Variants in BICDL1 observed in about 807,000 individuals in gnomAD.
BICDL1 encodes BICD family-like cargo adapter 1.
BICDL1 carries 20 observed loss-of-function variants against 76.8 expected under a neutral mutation model. The observed-to-expected ratio is 0.26, with a 90% confidence interval of 0.18 to 0.38. BICDL1 has a LOEUF of 0.38. BICDL1 is among the 10% of genes least tolerant of loss of function. The pLI is 1.00. For missense variants in BICDL1, 700 were observed against 798.6 expected, an observed-to-expected ratio of 0.88 and a Z score of 1.49; for synonymous variants, 383 against 337.1, an observed-to-expected ratio of 1.14 and a Z score of -1.49.
In BICDL1 at chr12:120,079,958, T is replaced by C. The variant is rs180974796; in HGVS notation, c.1453-929T>C. Among the ~76,000 whole-genome samples, 8 of 152,330 alleles carry C rather than the reference T, an allele frequency of 5.3e-5. No homozygotes were observed. The East Asian group carries it at 1.5e-3, about 29-fold the overall frequency. On this transcript the variant is annotated intron_variant, in intron 7 of 9. Coordinates refer to ENST00000548673, the MANE Select transcript of BICDL1 (RefSeq NM_001367886.1). This position sits in a 1 kb window ranked among gnomAD's most constrained non-coding sequence, Gnocchi z 4.3. Reference sequence around the variant, plus strand: ...GTCTATTCCCTGTTGGCTTCTTTAGTTGGAGGTCAAGCCTTGTGTCACACC... The same window carrying C: ...GTCTATTCCCTGTTGGCTTCTTTAGCTGGAGGTCAAGCCTTGTGTCACACC...
chr12:120,046,030 T>C (rs1952744091), intron 2 of BICDL1, among the ~76,000 whole-genome samples: 1 of 152,176 alleles, frequency 6.6e-6, no homozygotes, highest in Non-Finnish European at 1.5e-5. Context: ...AAGGTGGACA[T>C]GTTCTTAGGA....
chr12:120,028,518 T>G (rs1262397964), intron 2 of BICDL1, among the ~76,000 whole-genome samples: 1 of 151,694 alleles, frequency 6.6e-6, no homozygotes, highest in Non-Finnish European at 1.5e-5. Context: ...CTACTAAAAG[T>G]ACAAAACATT....
chr12:120,023,191 A>G (rs1307799648), intron 2 of BICDL1, among the ~76,000 whole-genome samples: 3 of 152,222 alleles, frequency 2.0e-5, no homozygotes, highest in Non-Finnish European at 2.9e-5. Context: ...AAATACACTA[A>G]TGATAGCTAA....
chr12:120,015,916 A>C (rs1159072256), intron 2 of BICDL1, among the ~76,000 whole-genome samples: 1 of 152,226 alleles, frequency 6.6e-6, no homozygotes, highest in African/African-American at 2.4e-5. Flanking sequence ...TATAATTTAC[A>C]GTTTATAAAT....
chr12:120,001,242 T>C (rs1054025178), intron 2 of BICDL1, among the ~76,000 whole-genome samples: 2 of 152,106 alleles, frequency 1.3e-5, no homozygotes, highest in Non-Finnish European at 2.9e-5. Flanking sequence ...GCCATACTTT[T>C]CTTTTTCTTC....
chr12:120,067,395 TC>T (rs1411959388), intron 4 of BICDL1, among the ~76,000 whole-genome samples: 2 of 152,212 alleles, frequency 1.3e-5, no homozygotes, highest in African/African-American at 4.8e-5. Flanking sequence ...CCATCCCAGT[TC>T]CCTTAGATGA....
intron 2 of BICDL1, among the ~76,000 whole-genome samples, chr12:120,017,117 A>G (rs1420654595): frequency 1.3e-5 from 2 of 152,280 alleles, no homozygotes; most frequent in East Asian, 1.9e-4. Flanking sequence ...AGGATGGTCT[A>G]GATCTCCTGA....
At chr12:120,018,619 T>C (rs1952113751) in intron 2 of BICDL1, among the ~76,000 whole-genome samples, 3 of 152,150 alleles carry the variant, frequency 2.0e-5, no homozygotes, top group Admixed American at 6.5e-5. Flanking sequence ...GCTCTGTTGA[T>C]TACCAGTTGT....
intron 2 of BICDL1, among the ~76,000 whole-genome samples, chr12:120,058,113 A>T (rs1953020556): frequency 6.6e-6 from 1 of 151,938 alleles, no homozygotes; most frequent in African/African-American, 2.4e-5. Context: ...GACCACAGGC[A>T]TGAGCCACCG....
intron 2 of BICDL1, among the ~76,000 whole-genome samples, chr12:120,039,373 T>C (rs939818565): frequency 6.7e-6 from 1 of 149,294 alleles, no homozygotes; most frequent in Non-Finnish European, 1.5e-5. Context: ...AGCGTGGTGG[T>C]TCACGCCTGT....
At chr12:119,996,678 A>G (rs1353039211) in intron 1 of BICDL1, among the ~76,000 whole-genome samples, 1 of 124,278 alleles carries the variant, frequency 8.0e-6, no homozygotes, top group Non-Finnish European at 1.6e-5. Flanking sequence ...ATACATATAC[A>G]GATACACACA....
chr12:120,001,515 G>T (rs1287390108), intron 2 of BICDL1, among the ~76,000 whole-genome samples: 1 of 152,238 alleles, frequency 6.6e-6, no homozygotes, highest in African/African-American at 2.4e-5. Flanking sequence ...CAAAGTGCTG[G>T]GATTACAGGC....
intron 2 of BICDL1, among the ~76,000 whole-genome samples, chr12:120,015,883 A>G (rs1002856490): frequency 6.6e-5 from 10 of 152,204 alleles, no homozygotes; most frequent in African/African-American, 2.4e-4. Context: ...CTTCTACAAT[A>G]TTTTGAAACA....
chr12:120,008,790 T>C (rs1299922225), intron 2 of BICDL1, among the ~76,000 whole-genome samples: 1 of 152,168 alleles, frequency 6.6e-6, no homozygotes, highest in Non-Finnish European at 1.5e-5. Context: ...AAGTGGTATA[T>C]TGAGAGGACC....
intron 2 of BICDL1, among the ~76,000 whole-genome samples, chr12:120,003,252 G>C (rs1317229610): frequency 6.6e-6 from 1 of 151,818 alleles, no homozygotes; most frequent in Non-Finnish European, 1.5e-5. Flanking sequence ...AGCTGTGGAA[G>C]AGCTAAGGGA....
intron 3 of BICDL1, among the ~76,000 whole-genome samples, chr12:120,063,747 C>T (rs1594187548): frequency 6.6e-6 from 1 of 152,280 alleles, no homozygotes; most frequent in African/African-American, 2.4e-5. Flanking sequence ...GGAGGATCCA[C>T]GAGGACCTCC....
chr12:120,089,815 T>G, intron 8 of BICDL1, 136 bp from the exon 9 acceptor site: 2 of 1,006,564 alleles, frequency 2.0e-6, no homozygotes, highest in Non-Finnish European at 2.9e-6. Context: ...ATCATAGTTA[T>G]TGTTGCAGCT....
chr12:120,063,160 G>A (rs1167002381), intron 3 of BICDL1, among the ~76,000 whole-genome samples: 1 of 152,192 alleles, frequency 6.6e-6, no homozygotes, highest in Non-Finnish European at 1.5e-5. Context: ...TTCACTGACT[G>A]AAAGTTGGGA....
chr12:120,012,643 A>G (rs933582347), intron 2 of BICDL1, among the ~76,000 whole-genome samples: 3 of 152,216 alleles, frequency 2.0e-5, no homozygotes, highest in Non-Finnish European at 4.4e-5. Context: ...TAATGATAAG[A>G]TCTAAGTAAT....
Sources: allele counts gnomAD v4.1 joint callset (sites outside exome capture counted in the v4.1 genomes callset), GRCh38; gene constraint gnomAD v4.1.1; non-coding constraint Gnocchi (gnomAD v3.1); transcripts MANE v1.5; gene names NCBI Gene and HGNC (gene_info 2026-07-23, HGNC 2026-07-21).